Variants in LONP1 observed in about 807,000 individuals in gnomAD.
The protein encoded by LONP1 is lon protease homolog, mitochondrial.
A neutral mutation model predicts 98.5 loss-of-function variants in LONP1; 31 were observed. That is an observed-to-expected ratio of 0.31 (90% CI 0.24 to 0.42). The LOEUF (loss-of-function observed/expected upper bound fraction) is 0.42. LONP1 is among the 20% of genes least tolerant of loss of function. The pLI is 1.00. For missense variants in LONP1, 1,336 were observed against 1,350.6 expected, an observed-to-expected ratio of 0.99 and a Z score of 0.17; for synonymous variants, 781 against 594.7, an observed-to-expected ratio of 1.31 and a Z score of -4.56.
In LONP1 at chr19:5,719,961, C is replaced by A. The variant is rs962586075; in HGVS notation, c.172G>T (p.Gly58Cys). 17 of 1,573,898 alleles carry A rather than the reference C, an allele frequency of 1.1e-5. No individual in the cohort carries two copies. The highest frequency in any genetic ancestry group is 1.9e-5 in the Admixed American group (1 of 53,846). ...ASPPWALWGR[G>C]PAIGGQWRGF... is the part of the protein sequence containing the mutation. Reference sequence around the variant, plus strand: ...CGCCATTGGCCCCCAATTGCCGGGCCTCGGCCCCACAGTGCCCAAGGAGGA... The same window carrying A: ...CGCCATTGGCCCCCAATTGCCGGGCATCGGCCCCACAGTGCCCAAGGAGGA... The change falls in exon 1 of 18, where the codon GGC (glycine) becomes TGC (cysteine). Residue 58 changes from glycine (G) to cysteine (C), a missense_variant. Gly to Cys is a radical substitution (Grantham distance 159). Coordinates refer to ENST00000360614, the MANE Select transcript of LONP1 (RefSeq NM_004793.4).
chr19:5,720,214 G>C (rs2055419262), upstream of LONP1: 3 of 1,382,974 alleles, frequency 2.2e-6, no homozygotes, highest in African/African-American at 1.5e-5. Context: ...CGCGTGCCTC[G>C]GTACCCGATG....
Position 5,707,901 on chromosome 19 carries a change from C to T in LONP1, c.933-75G>A, listed in dbSNP as rs145723514. 2.1e-4 allele frequency: 330 copies of T among 1,559,766 alleles called. 1 individual carries two copies. The highest frequency in any genetic ancestry group is 2.7e-4 in the Non-Finnish European group (309 of 1,144,224). Reference sequence around the variant, plus strand: ...GCAGTGCAGCCCCCAAACGGGGACCCGGTCCTCAGGGTCCCTGTCCCCTGT... The same window carrying T: ...GCAGTGCAGCCCCCAAACGGGGACCTGGTCCTCAGGGTCCCTGTCCCCTGT... On this transcript the variant is annotated intron_variant, in intron 5 of 17. Transcript: ENST00000360614.
intron 1 of LONP1, among the ~76,000 whole-genome samples, chr19:5,716,960 A>AT (rs1236428274): frequency 6.6e-6 from 1 of 151,948 alleles, no homozygotes; most frequent in African/African-American, 2.4e-5. Flanking sequence ...CTCCAGGCTA[A>AT]TTTTTTTGTA....
intron 4 of LONP1, among the ~76,000 whole-genome samples, chr19:5,709,732 ACC>A (rs1418313380): frequency 6.6e-6 from 1 of 151,534 alleles, no homozygotes; most frequent in Admixed American, 6.6e-5. Flanking sequence ...ACACGGTGAA[ACC>A]CCGTCTCTAC....
In LONP1 at chr19:5,711,972, C is replaced by T. The variant is rs1397945896; in HGVS notation, c.669G>A (p.Glu223=). 8 of 1,613,002 alleles carry T rather than the reference C, an allele frequency of 5.0e-6. No individual in the cohort carries two copies. In the Admixed American group the frequency reaches 6.7e-5, roughly 13 times the overall value. Residue 223 remains glutamate (E), a synonymous_variant, in exon 4 of 18, where the codon GAG becomes GAA. Transcript: ENST00000360614. ...TGTTCTCCGCCTCCGGCTCCTCGGG[C>T]TCCACCTCCAGCTGTCTGCTGATAT... The part of the protein sequence containing the change: ...RVHISRQLEV[E]PEEPEAENKH...
chr19:5,713,094 C>G (rs2055262485), intron 3 of LONP1, 40 bp downstream of exon 3: 2 of 1,613,206 alleles, frequency 1.2e-6, no homozygotes, highest in South Asian at 1.1e-5. Flanking sequence ...CCGCGTGGTA[C>G]TCTGCCCCCA....
At chr19:5,704,539 C>T (rs2055112463) in intron 8 of LONP1, among the ~76,000 whole-genome samples, 1 of 152,210 alleles carries the variant, frequency 6.6e-6, no homozygotes. Flanking sequence ...TACGGCCTGC[C>T]CAGCCCTGCC....
In LONP1 at chr19:5,694,536, G is replaced by A. The variant is rs879255249; in HGVS notation, c.2171C>T (p.Ala724Val). The change falls in exon 15 of 18, where the codon GCC (alanine) becomes GTC (valine). Residue 724 changes from alanine (A) to valine (V), a missense_variant. Coordinates refer to ENST00000360614, the MANE Select transcript of LONP1 (RefSeq NM_004793.4). ...GGCCTCGCCGCTGACAATCTTGTAG[G>A]CCGATTTCCGTAACACCTGGGCGGT... ...KQVEKVLRKSAYKIVSGEAES... is the reference protein window; with the variant it reads ...KQVEKVLRKSVYKIVSGEAES... The A allele has an allele frequency of 6.2e-7, 1 of 1,612,728 alleles. No individual in the cohort carries two copies. Among genetic ancestry groups the A allele is most frequent in the Non-Finnish European group, 8.5e-7 (1 of 1,179,850 alleles).
At chr19:5,696,784 TC>T (rs1568313518) in intron 10 of LONP1, 27 bp from the exon 11 acceptor site, 2 of 1,547,986 alleles carry the variant, frequency 1.3e-6, no homozygotes, top group South Asian at 2.2e-5. Context: ...GGGTCAGAGG[TC>T]ACTTGGTAGC....
rs753716556 is a variant in LONP1 at position 5,699,215 on chromosome 19, G to GAGGCAGGTTCAGT, written c.1507-23_1507-11dup. ...TAACGGCAATGAACTCCTGCAGACA[G>GAGGCAGGTTCAGT]AGGCAGGTTCAGTGGGCACGTGAGC... On this transcript the variant is annotated splice_polypyrimidine_tract_variant and intron_variant, in intron 9 of 17. Coordinates refer to ENST00000360614, the MANE Select transcript of LONP1 (RefSeq NM_004793.4). The GAGGCAGGTTCAGT allele has an allele frequency of 2.0e-6, 3 of 1,490,916 alleles. No homozygotes were observed. The East Asian group carries it at 7.4e-5, about 37-fold the overall frequency. The allele number at this position is 1,490,916 out of a possible 1,614,324, so 92.4% of individuals were successfully genotyped here.
intron 17 of LONP1, 127 bp downstream of exon 17, chr19:5,693,171 G>A (rs759323933): frequency 8.4e-7 from 1 of 1,186,296 alleles, no homozygotes; most frequent in Non-Finnish European, 1.2e-6. Context: ...AGGCCAGAGA[G>A]ACCTGCTTCC....
rs759487151 is a variant in LONP1 at position 5,696,677 on chromosome 19, A to G, written c.1766T>C (p.Ile589Thr). 10 of 1,611,298 alleles carry G rather than the reference A, an allele frequency of 6.2e-6. No homozygotes were observed. Among genetic ancestry groups the G allele is most frequent in the Non-Finnish European group, 8.5e-6 (10 of 1,178,398 alleles). ...KTKTENPLIL[I>T]DEVDKIGRGY... ...GGGCCTCTCCGCACGCACCTCGTCG[A>G]TGAGGATCAGGGGGTTCTCCGTCTT... The change falls in exon 11 of 18, where the codon ATC (isoleucine) becomes ACC (threonine). Residue 589 changes from isoleucine (I) to threonine (T), a missense_variant. Ile to Thr is a moderately conservative substitution (Grantham distance 89). Transcript: ENST00000360614.
At chr19:5,712,063 A>T in intron 3 of LONP1, 61 bp from the exon 4 acceptor site, 1 of 1,412,950 alleles carries the variant, frequency 7.1e-7, no homozygotes. Flanking sequence ...GACCCGGCTG[A>T]GGCCTCCCTG....
Position 5,693,714 on chromosome 19 carries a change from G to C in LONP1, c.2376C>G (p.Ala792=), listed in dbSNP as rs750616938. The C allele has an allele frequency of 6.2e-7, 1 of 1,613,934 alleles. No individual in the cohort carries two copies. Among genetic ancestry groups the C allele is most frequent in the Admixed American group, 1.7e-5 (1 of 60,000 alleles). Residue 792 remains alanine, a synonymous_variant, in exon 16 of 18, where the codon GCC becomes GCG. Coordinates refer to ENST00000360614, the MANE Select transcript of LONP1 (RefSeq NM_004793.4). Reference sequence around the variant, plus strand: ...CCAGGCTGCCATCCTTGTCACCCTTGGCATCCTTGTCCTGTGGCCGTCTCA... The same window carrying C: ...CCAGGCTGCCATCCTTGTCACCCTTCGCATCCTTGTCCTGTGGCCGTCTCA... The part of the protein sequence containing the change: ...TSLRRPQDKD[A]KGDKDGSLEV...
intron 8 of LONP1, among the ~76,000 whole-genome samples, chr19:5,701,223 A>G (rs1015467395): frequency 6.6e-6 from 1 of 152,210 alleles, no homozygotes; most frequent in Non-Finnish European, 1.5e-5. Flanking sequence ...AGGCAGGCGG[A>G]TCACAAGGTC....
At chr19:5,716,259 C>CATATACATATATATAT (rs2055317993) in intron 1 of LONP1, among the ~76,000 whole-genome samples, 1 of 77,234 alleles carries the variant, frequency 1.3e-5, no homozygotes, top group Non-Finnish European at 2.3e-5. Context: ...TTAAAATATA[C>CATATACATATATATAT]ATATATATAT....
In LONP1 at chr19:5,705,812, T is replaced by G. The variant is rs1411695106; in HGVS notation, c.1327A>C (p.Ser443Arg). Residue 443 changes from serine to arginine, a missense_variant, in exon 8 of 18, where the codon AGC becomes CGC. Physicochemically the swap from Ser to Arg is moderately radical, Grantham distance 110. This residue lies in a region of LONP1 where 219 missense variants were observed against 241.0 expected (regional missense o/e 0.91). Transcript: ENST00000360614. The stretch of plus-strand genomic sequence containing the variant: ...TGGTTGTCCAGCAGGCCCAGCTTGC[T>G]CAGCTCCTCGTCCACAACATCCATG... ...HVMDVVDEEL[S>R]KLGLLDNHSS... The G allele has an allele frequency of 6.2e-7, 1 of 1,613,986 alleles. No homozygotes were observed. Among genetic ancestry groups the G allele is most frequent in the African/African-American group, 1.3e-5 (1 of 74,948 alleles).
intron 8 of LONP1, among the ~76,000 whole-genome samples, chr19:5,704,124 G>C (rs1166819841): frequency 6.6e-6 from 1 of 152,208 alleles, no homozygotes; most frequent in Non-Finnish European, 1.5e-5. Flanking sequence ...CCTCACGACA[G>C]GCGGTGGGAG....
At chr19:5,719,643 C>A (rs1331409168) in intron 1 of LONP1, 61 bp downstream of exon 1, 4 of 1,611,500 alleles carry the variant, frequency 2.5e-6, no homozygotes, top group Non-Finnish European at 3.4e-6. Context: ...AGTGATCCCA[C>A]GGTTCAGCCC....
Sources: allele counts gnomAD v4.1 joint callset (sites outside exome capture counted in the v4.1 genomes callset), GRCh38; gene constraint gnomAD v4.1.1; regional missense constraint gnomAD v4.1.1; transcripts MANE v1.5; gene names NCBI Gene and HGNC (gene_info 2026-07-23, HGNC 2026-07-21).